Variants in ERP29 observed in about 807,000 individuals in gnomAD.
ERP29 encodes the protein endoplasmic reticulum resident protein 29.
Under a neutral mutation model 21.7 loss-of-function variants are expected in ERP29, and 14 were observed. That is an observed-to-expected ratio of 0.64 (90% confidence interval 0.43 to 1.01). The LOEUF is 1.01. Ranked by LOEUF, ERP29 falls within the 50% of genes least tolerant of loss-of-function variation. The probability of loss-of-function intolerance (pLI) is 0.00; values close to 1 mark genes in which losing one functional copy is unlikely to be tolerated. For missense variants in ERP29, 286 were observed against 327.3 expected (o/e 0.87, Z 0.97); for synonymous variants, 129 against 139.1 (o/e 0.93, Z 0.51).
At chr12:112,018,771 T>G (rs1352809703) in intron 1 of ERP29, 1 of 152,220 alleles carries the variant, frequency 6.6e-6, no homozygotes, top group Non-Finnish European at 1.5e-5. Flanking sequence ...AACATTCAGC[T>G]GATGAGTGAA....
At position 112,013,615 on chromosome 12, in the gene ERP29, C is replaced by T. The variant is rs1565986103; in HGVS notation, c.144+6C>T. 6.4e-7 allele frequency: 1 copy of T among 1,565,660 alleles called. No individual in the cohort carries two copies. The highest frequency in any genetic ancestry group is 1.2e-5 in the South Asian group (1 of 86,624). The stretch of plus-strand genomic sequence containing the variant: ...ATACGGTCACTTTCTACAAGGTAAC[C>T]GGGGCGGGGGACGTCGCGCGCAGGT... On this transcript the variant is annotated splice_donor_region_variant and intron_variant, in intron 1 of 2. Transcript: ENST00000261735.
intron 2 of ERP29, 141 bp from the exon 3 acceptor site, chr12:112,022,009 G>C: frequency 1.4e-6 from 1 of 729,956 alleles, no homozygotes; most frequent in East Asian, 2.5e-5. Context: ...TTCAAACACA[G>C]GTCTGTATGG....
intron 2 of ERP29, among the ~76,000 whole-genome samples, chr12:112,020,345 C>T (rs2078038433): frequency 6.6e-6 from 1 of 152,144 alleles, no homozygotes; most frequent in Non-Finnish European, 1.5e-5. Context: ...ACCTCCCAAC[C>T]ACAGCGACAG....
At chr12:112,021,050 G>A (rs1461102195) in intron 2 of ERP29, among the ~76,000 whole-genome samples, 1 of 152,226 alleles carries the variant, frequency 6.6e-6, no homozygotes, top group East Asian at 1.9e-4. Flanking sequence ...GCTACTGCTC[G>A]TTAGGAAGGA....
At chr12:112,021,153 C>T (rs1295611651) in intron 2 of ERP29, among the ~76,000 whole-genome samples, 1 of 152,218 alleles carries the variant, frequency 6.6e-6, no homozygotes, top group Non-Finnish European at 1.5e-5. Flanking sequence ...TCCCAACAGC[C>T]CCCATGTGGC....
Position 112,022,238 on chromosome 12 carries a change from G to A in ERP29, c.372G>A (p.Gly124=). ...CAGTCTTCTACCTCTTCCGGGATGGGGACTTTGAGAACCCAGTCCCATACA... is the reference window on the plus strand; with the variant it reads ...CAGTCTTCTACCTCTTCCGGGATGGAGACTTTGAGAACCCAGTCCCATACA... ...SYPVFYLFRD[G]DFENPVPYTG... Residue 124 remains glycine, a synonymous_variant, in exon 3 of 3, where the codon GGG becomes GGA. Coordinates refer to ENST00000261735, the MANE Select transcript of ERP29 (RefSeq NM_006817.4). The A allele has an allele frequency of 6.2e-7, 1 of 1,613,872 alleles. No individual in the cohort carries two copies. The highest frequency in any genetic ancestry group is 8.5e-7 in the Non-Finnish European group (1 of 1,179,866).
chr12:112,022,087 A>T, intron 2 of ERP29, 63 bp from the exon 3 acceptor site: 4 of 1,554,632 alleles, frequency 2.6e-6, no homozygotes, highest in Non-Finnish European at 3.5e-6. Flanking sequence ...GCTAGGTCCC[A>T]TAGCAATTTT....
intron 1 of ERP29, among the ~76,000 whole-genome samples, chr12:112,016,197 A>T (rs1275069624): frequency 1.3e-5 from 2 of 152,270 alleles, no homozygotes; most frequent in Non-Finnish European, 2.9e-5. Flanking sequence ...GAAGGTGCAC[A>T]ATAACTATTT....
chr12:112,020,763 T>TAAA (rs2078040484), intron 2 of ERP29, among the ~76,000 whole-genome samples: 1 of 152,236 alleles, frequency 6.6e-6, no homozygotes, highest in South Asian at 2.1e-4. Context: ...ATTTATCAGA[T>TAAA]GTTTACTGCG....
At chr12:112,018,358 G>A (rs1404005475) in intron 1 of ERP29, among the ~76,000 whole-genome samples, 1 of 151,702 alleles carries the variant, frequency 6.6e-6, no homozygotes, top group Admixed American at 6.6e-5. Context: ...GGCTGGTCTT[G>A]AACTTCTAGC....
At position 112,022,924 on chromosome 12, in the gene ERP29, T is replaced by G; in HGVS notation, c.*272T>G. On this transcript the variant is annotated 3_prime_UTR_variant, in exon 3 of 3. Coordinates refer to ENST00000261735, the MANE Select transcript of ERP29 (RefSeq NM_006817.4). ...GTGCTATAGAGAGGAGAGAGGAGTG[T>G]ACTGCCCAGGTCTTTGACAGATGTA... The G allele has an allele frequency of 9.9e-6, 4 of 403,306 alleles. No homozygotes were observed. Among genetic ancestry groups the G allele is most frequent in the Non-Finnish European group, 4.5e-6 (1 of 224,602 alleles). 25.0% of individuals were successfully genotyped at this position (403,306 alleles called of 1,614,324 possible).
Sources: gnomAD v4.1 joint callset for allele counts (sites outside exome capture counted in the v4.1 genomes callset) on GRCh38, gnomAD v4.1.1 for gene constraint, MANE v1.5 for transcripts, NCBI Gene and HGNC (gene_info 2026-07-23, HGNC 2026-07-21) for gene names.